Variants in PARD3B observed in about 807,000 individuals in gnomAD.
The protein encoded by PARD3B is par-3 family cell polarity regulator beta.
A neutral mutation model predicts 130.2 loss-of-function variants in PARD3B; 103 were observed. That is an observed-to-expected ratio of 0.79 (90% CI 0.67 to 0.93). The LOEUF (loss-of-function observed/expected upper bound fraction) is 0.93, where lower values mean the gene tolerates loss of function less well. PARD3B is among the 40% of genes least tolerant of loss of function. The pLI, the probability that PARD3B is intolerant of heterozygous loss-of-function variation, is 0.00. For synonymous variants in PARD3B, 583 were observed against 553.2 expected (o/e 1.05, Z -0.76); for missense variants, 1,609 against 1,499.2 (o/e 1.07, Z -1.21).
chr2:204,910,398 T>C (rs561865856), intron 2 of PARD3B, among the ~76,000 whole-genome samples: 72 of 152,308 alleles, frequency 4.7e-4, no homozygotes, highest in African/African-American at 1.6e-3. Flanking sequence ...AGCAGAAAGT[T>C]GAAAGGTAAG....
At chr2:204,892,375 C>T (rs1264081120) in intron 2 of PARD3B, among the ~76,000 whole-genome samples, 2 of 152,114 alleles carry the variant, frequency 1.3e-5, no homozygotes, top group African/African-American at 4.8e-5. Flanking sequence ...GTGAATTGGG[C>T]ACTCATTAGC....
At chr2:205,383,821 C>T (rs1273402906) in intron 18 of PARD3B, among the ~76,000 whole-genome samples, 1 of 152,074 alleles carries the variant, frequency 6.6e-6, no homozygotes, top group Admixed American at 6.6e-5. Flanking sequence ...CCTTTTGGAT[C>T]TGGCTTCTTT....
At chr2:204,754,487 A>G (rs967336391) in intron 2 of PARD3B, among the ~76,000 whole-genome samples, 5 of 152,168 alleles carry the variant, frequency 3.3e-5, no homozygotes, top group African/African-American at 1.2e-4. Context: ...GAAAGTAAGT[A>G]TAATAATAGA....
chr2:205,549,496 C>A (rs1025621554), intron 21 of PARD3B, among the ~76,000 whole-genome samples: 1 of 152,060 alleles, frequency 6.6e-6, no homozygotes, highest in African/African-American at 2.4e-5. Flanking sequence ...AAGCATGGAG[C>A]AAACTTAAAT....
At chr2:204,889,258 C>G (rs1457086331) in intron 2 of PARD3B, among the ~76,000 whole-genome samples, 1 of 152,178 alleles carries the variant, frequency 6.6e-6, no homozygotes, top group Non-Finnish European at 1.5e-5. Flanking sequence ...TTCTAAAGGT[C>G]TTCTCTGCTC....
At chr2:204,552,644 A>G (rs2030545307) in intron 1 of PARD3B, among the ~76,000 whole-genome samples, 1 of 152,150 alleles carries the variant, frequency 6.6e-6, no homozygotes, top group African/African-American at 2.4e-5. Context: ...TTAGATTTAA[A>G]TCCTTGATCC....
intron 10 of PARD3B, among the ~76,000 whole-genome samples, chr2:205,152,903 T>G (rs1053486628): frequency 6.6e-6 from 1 of 152,212 alleles, no homozygotes; most frequent in African/African-American, 2.4e-5. Context: ...TTTATCTACC[T>G]TTGGTCTTTG....
chr2:204,707,241 A>G (rs1026430813), intron 2 of PARD3B, among the ~76,000 whole-genome samples: 9 of 152,174 alleles, frequency 5.9e-5, no homozygotes, highest in African/African-American at 2.2e-4. Flanking sequence ...CCCGAGTGGG[A>G]CTGCAAATTT....
chr2:204,732,437 A>C (rs1469132973), intron 2 of PARD3B, among the ~76,000 whole-genome samples: 1 of 152,108 alleles, frequency 6.6e-6, no homozygotes, highest in African/African-American at 2.4e-5. Flanking sequence ...ATAGAACATT[A>C]ATTTCTTACT....
At chr2:205,539,958 T>C (rs775512620) in intron 21 of PARD3B, among the ~76,000 whole-genome samples, 27 of 152,178 alleles carry the variant, frequency 1.8e-4, no homozygotes, top group African/African-American at 2.9e-4. Flanking sequence ...GGGAAAAGAC[T>C]CAGCAGTTCT....
At chr2:205,219,646 T>A (rs1263468996) in intron 15 of PARD3B, among the ~76,000 whole-genome samples, 1 of 152,154 alleles carries the variant, frequency 6.6e-6, no homozygotes, top group African/African-American at 2.4e-5. Context: ...CAAAATTAAT[T>A]CATGCAAGAA....
intron 2 of PARD3B, among the ~76,000 whole-genome samples, chr2:204,788,219 G>A (rs1465606032): frequency 6.6e-6 from 1 of 152,180 alleles, no homozygotes; most frequent in East Asian, 1.9e-4. Flanking sequence ...CAGGGAAAGT[G>A]GCTGAGATAC....
chr2:204,797,099 G>C (rs10206878), intron 2 of PARD3B, among the ~76,000 whole-genome samples: 6,851 of 149,496 alleles, frequency 0.046, 239 homozygotes, highest in African/African-American at 0.096. Context: ...CGCTTGAACC[G>C]AGGAGGTGGA....
chr2:204,668,485 C>T (rs1424872993), intron 1 of PARD3B, among the ~76,000 whole-genome samples: 2 of 152,162 alleles, frequency 1.3e-5, no homozygotes, highest in African/African-American at 4.8e-5. Flanking sequence ...TTGAATTTGA[C>T]TCAACGTTTC....
At chr2:205,053,295 C>T (rs1055179612) in intron 4 of PARD3B, among the ~76,000 whole-genome samples, 7 of 151,588 alleles carry the variant, frequency 4.6e-5, no homozygotes, top group Non-Finnish European at 7.4e-5. Flanking sequence ...AATAATTGAT[C>T]GCCACTGTGA....
chr2:205,394,412 C>T (rs1212060882), intron 18 of PARD3B, among the ~76,000 whole-genome samples: 6 of 152,124 alleles, frequency 3.9e-5, no homozygotes, highest in Non-Finnish European at 7.4e-5. Flanking sequence ...TTACCAGCTC[C>T]ATAAACAAGC....
intron 2 of PARD3B, among the ~76,000 whole-genome samples, chr2:204,744,335 T>C (rs986325099): frequency 2.6e-5 from 4 of 152,156 alleles, no homozygotes; most frequent in Non-Finnish European, 5.9e-5. Context: ...TCAGATCTAT[T>C]CTGATTCAAA....
At chr2:205,486,692 A>T (rs959985158) in intron 20 of PARD3B, among the ~76,000 whole-genome samples, 75 of 152,186 alleles carry the variant, frequency 4.9e-4, no homozygotes, top group African/African-American at 1.7e-3. Context: ...CTACACACTT[A>T]AACAACCAGA....
At chr2:205,438,936 T>G (rs2047615465) in intron 19 of PARD3B, among the ~76,000 whole-genome samples, 1 of 152,220 alleles carries the variant, frequency 6.6e-6, no homozygotes, top group Non-Finnish European at 1.5e-5. Flanking sequence ...TTTGGTCTCA[T>G]GCCTTCTTAT....
Sources: gnomAD v4.1 joint callset for allele counts (sites outside exome capture counted in the v4.1 genomes callset) on GRCh38, gnomAD v4.1.1 for gene constraint, MANE v1.5 for transcripts, NCBI Gene and HGNC (gene_info 2026-07-23, HGNC 2026-07-21) for gene names.